Variants in TRERF1 observed in about 807,000 individuals in gnomAD.
The protein encoded by TRERF1 is transcriptional regulating factor 1.
TRERF1 carries 27 observed loss-of-function variants against 122.9 expected under a neutral mutation model. The ratio of observed to expected loss-of-function variants is 0.22; its 90% CI spans 0.16 to 0.30. The LOEUF is 0.30. TRERF1 is among the 10% of genes least tolerant of loss of function. The pLI is 1.00. For missense variants in TRERF1, 1,248 were observed against 1,560.3 expected, an observed-to-expected ratio of 0.80 and a Z score of 3.37; for synonymous variants, 636 against 641.7, an observed-to-expected ratio of 0.99 and a Z score of 0.13.
At chr6:42,233,701 G>A (rs567117669) in intron 16 of TRERF1, among the ~76,000 whole-genome samples, 3 of 152,166 alleles carry the variant, frequency 2.0e-5, no homozygotes, top group Admixed American at 2.0e-4. Flanking sequence ...AAAAAACTCA[G>A]GCTCAAGTTA....
At chr6:42,292,482 G>A (rs143008295) in intron 4 of TRERF1, among the ~76,000 whole-genome samples, 7 of 152,262 alleles carry the variant, frequency 4.6e-5, no homozygotes, top group Middle Eastern at 3.4e-3. Flanking sequence ...GCCATAGTTC[G>A]TTCAGTAGAA....
Position 42,259,800 on chromosome 6 carries a change from G to A in TRERF1, c.1885-77C>T. On this transcript the variant is annotated intron_variant, in intron 8 of 17. Transcript: ENST00000372922. This position sits in a 1 kb window ranked among gnomAD's most constrained non-coding sequence, Gnocchi z 4.9. ...CATTTCCACAGGTTCAGGGAAGGGG[G>A]CCTTCTACTGTCTAAGCAGAGAGCC... is the stretch of plus-strand genomic sequence containing the variant. 1 of 1,578,780 alleles carries A rather than the reference G, an allele frequency of 6.3e-7. No homozygotes were observed. The highest frequency in any genetic ancestry group is 8.6e-7 in the Non-Finnish European group (1 of 1,169,272).
intron 16 of TRERF1, among the ~76,000 whole-genome samples, chr6:42,234,735 C>T (rs144654896): frequency 7.1e-4 from 108 of 152,300 alleles, no homozygotes; most frequent in African/African-American, 2.0e-3. Flanking sequence ...AAAACCAGCA[C>T]GCTTTTTCCA....
At chr6:42,424,118 C>T (rs1403758635) in intron 2 of TRERF1, among the ~76,000 whole-genome samples, 1 of 152,160 alleles carries the variant, frequency 6.6e-6, no homozygotes, top group African/African-American at 2.4e-5. Flanking sequence ...TGTATGTACC[C>T]ATTCTCCAGC....
intron 4 of TRERF1, among the ~76,000 whole-genome samples, chr6:42,280,646 C>T (rs1040146378): frequency 1.3e-5 from 2 of 152,170 alleles, no homozygotes; most frequent in African/African-American, 4.8e-5. Context: ...CCTTCCCAGG[C>T]AGATGAGTGA....
intron 3 of TRERF1, among the ~76,000 whole-genome samples, chr6:42,328,297 C>A (rs1317517378): frequency 6.6e-6 from 1 of 152,118 alleles, no homozygotes; most frequent in African/African-American, 2.4e-5. Flanking sequence ...GTATGAGCCA[C>A]TGTGCCCAGC....
At chr6:42,260,951 G>T (rs1368550865) in intron 8 of TRERF1, among the ~76,000 whole-genome samples, 1 of 152,150 alleles carries the variant, frequency 6.6e-6, no homozygotes, top group Non-Finnish European at 1.5e-5. Context: ...GGGAGGCAGA[G>T]AGTGGGGAAA....
chr6:42,263,297 G>A lies in TRERF1; in HGVS notation c.1884+23C>T. On this transcript the variant is annotated intron_variant, in intron 8 of 17. Coordinates refer to ENST00000372922, the Ensembl canonical transcript of TRERF1. This position sits in a 1 kb window ranked among gnomAD's most constrained non-coding sequence, Gnocchi z 5.6. ...GGGGGCAGCCCCTTGGGGTGAGTGT[G>A]GGGGAGAGAGGGTCATCCTCACGAG... is the stretch of plus-strand genomic sequence containing the variant. 2.5e-6 allele frequency: 4 copies of A among 1,600,772 alleles called. No homozygotes were observed. The highest frequency in any genetic ancestry group is 1.1e-5 in the South Asian group (1 of 88,068).
In TRERF1 at chr6:42,275,635, GA is replaced by G. The variant is rs1781018228; in HGVS notation, c.-258-5788del. 6.6e-6 allele frequency among the ~76,000 whole-genome samples: 1 copy of G among 152,256 alleles called. No individual in the cohort carries two copies. The highest frequency in any genetic ancestry group is 1.5e-5 in the Non-Finnish European group (1 of 68,042). Reference sequence around the variant, plus strand: ...CTGCAACACTGCGCTAGGCAAAGGAGACCTAGAGTGGCTTGTTCCCCTCTGC... The same window carrying G: ...CTGCAACACTGCGCTAGGCAAAGGAGCCTAGAGTGGCTTGTTCCCCTCTGC... On this transcript the variant is annotated intron_variant, in intron 4 of 17. Transcript: ENST00000372922. The surrounding 1 kb of genome is among the most constrained non-coding windows in gnomAD (Gnocchi z 4.1).
At chr6:42,388,922 C>T (rs1223790432) in intron 2 of TRERF1, among the ~76,000 whole-genome samples, 1 of 151,982 alleles carries the variant, frequency 6.6e-6, no homozygotes, top group Non-Finnish European at 1.5e-5. Flanking sequence ...GTCATGGGCC[C>T]CAGTGTGGAT....
At chr6:42,243,291 C>T (rs1008034061) in exon 15 of TRERF1, 10 of 1,614,150 alleles carry the variant, frequency 6.2e-6, no homozygotes, top group Non-Finnish European at 8.5e-6. Flanking sequence ...CCGGTGTTTC[C>T]GCCCCAGCCG....
chr6:42,321,349 T>C (rs183867022), intron 3 of TRERF1, among the ~76,000 whole-genome samples: 4 of 150,212 alleles, frequency 2.7e-5, no homozygotes, highest in East Asian at 3.9e-4. Flanking sequence ...TTGAGAAGAA[T>C]AGAGGACCCT....
At chr6:42,243,864 G>A (rs1774239389) in intron 14 of TRERF1, among the ~76,000 whole-genome samples, 2 of 143,584 alleles carry the variant, frequency 1.4e-5, no homozygotes, top group South Asian at 4.4e-4. Flanking sequence ...ACGGGCGTGA[G>A]TCACTGCGCC....
In TRERF1 at chr6:42,244,035, C is replaced by T. The variant is rs570869433; in HGVS notation, c.2746-674G>A. Among the ~76,000 whole-genome samples the T allele has an allele frequency of 3.3e-3, 505 of 151,966 alleles. 5 individuals carry two copies. Among genetic ancestry groups the T allele is most frequent in the African/African-American group, 0.012 (477 of 41,442 alleles). On this transcript the variant is annotated intron_variant, in intron 14 of 17. Coordinates refer to ENST00000372922, the Ensembl canonical transcript of TRERF1. ...CTGGGATTACAGGCACCCGCCACCG[C>T]ACCTGGCTCATTTTTTTCTATTTTT...
rs34491635 is a variant in TRERF1 at position 42,276,673 on chromosome 6, T to C, written c.-258-6825A>G. 0.029 allele frequency among the ~76,000 whole-genome samples: 4,460 copies of C among 152,330 alleles called. 63 individuals are homozygous for C. The highest frequency in any genetic ancestry group is 0.037 in the Non-Finnish European group (2,495 of 68,032). ...TTTTATAATCCAGTAACCCGATTAT[T>C]GTGGACATGTGCTGCCAATGACAGT... On this transcript the variant is annotated intron_variant, in intron 4 of 17. Coordinates refer to ENST00000372922, the Ensembl canonical transcript of TRERF1. This position sits in a 1 kb window ranked among gnomAD's most constrained non-coding sequence, Gnocchi z 4.3.
chr6:42,279,507 G>C (rs1781906558), intron 4 of TRERF1, among the ~76,000 whole-genome samples: 1 of 152,148 alleles, frequency 6.6e-6, no homozygotes, highest in African/African-American at 2.4e-5. Context: ...TGACCCCCTT[G>C]GCCCCACCTA....
chr6:42,398,324 G>A (rs1414505172), intron 2 of TRERF1, among the ~76,000 whole-genome samples: 4 of 152,130 alleles, frequency 2.6e-5, no homozygotes. Context: ...TTTAAACCCA[G>A]GACAGAATCA....
At chr6:42,417,137 C>G (rs769982476) in intron 2 of TRERF1, among the ~76,000 whole-genome samples, 3 of 152,110 alleles carry the variant, frequency 2.0e-5, no homozygotes, top group Non-Finnish European at 2.9e-5. Context: ...TTGCAACAAA[C>G]CAGAAACATA....
At chr6:42,234,959 C>T (rs749341117) in intron 16 of TRERF1, among the ~76,000 whole-genome samples, 32 of 152,134 alleles carry the variant, frequency 2.1e-4, no homozygotes, top group Admixed American at 6.5e-4. Context: ...AAGTCATTAT[C>T]GCAATCATGC....
Sources: allele counts gnomAD v4.1 joint callset (sites outside exome capture counted in the v4.1 genomes callset), GRCh38; gene constraint gnomAD v4.1.1; non-coding constraint Gnocchi (gnomAD v3.1); transcripts MANE v1.5; gene names NCBI Gene and HGNC (gene_info 2026-07-23, HGNC 2026-07-21).